Variants in CDC123 observed in about 807,000 individuals in gnomAD.
CDC123 encodes the protein translation initiation factor eIF2 assembly protein.
In CDC123, 37 loss-of-function variants were observed where a neutral mutation model predicts 54.4. The observed-to-expected ratio is 0.68, with a 90% confidence interval of 0.52 to 0.89. CDC123 has a LOEUF of 0.89. Ranked by LOEUF, CDC123 falls within the 40% of genes least tolerant of loss-of-function variation. The probability of loss-of-function intolerance (pLI) is 0.00; values close to 1 mark genes in which losing one functional copy is unlikely to be tolerated. For synonymous variants in CDC123, 144 were observed against 136.8 expected (o/e 1.05, Z -0.37); for missense variants, 361 against 412.1 (o/e 0.88, Z 1.07).
At chr10:12,203,162 G>A (rs1835466012) in intron 2 of CDC123, among the ~76,000 whole-genome samples, 1 of 152,206 alleles carries the variant, frequency 6.6e-6, no homozygotes, top group Non-Finnish European at 1.5e-5. Context: ...TCAGCTATCC[G>A]GAAGCTCTTT....
rs564739353 is a variant in CDC123 at position 12,228,028 on chromosome 10, G to A, written c.441-2920G>A. 1.5e-3 allele frequency among the ~76,000 whole-genome samples: 227 copies of A among 151,956 alleles called. 1 individual carries two copies. The highest frequency in any genetic ancestry group is 5.2e-3 in the African/African-American group (217 of 41,434). ...ATAGCTTACTGCAGCCTCAAACTCCGGAGCTCAAGTGATCTTCCCGCCTCA... is the reference window on the plus strand; with the variant it reads ...ATAGCTTACTGCAGCCTCAAACTCCAGAGCTCAAGTGATCTTCCCGCCTCA... On this transcript the variant is annotated intron_variant, in intron 6 of 12. Coordinates refer to ENST00000281141, the MANE Select transcript of CDC123 (RefSeq NM_006023.3).
chr10:12,208,122 G>GA (rs1835545448), intron 2 of CDC123, among the ~76,000 whole-genome samples: 1 of 152,146 alleles, frequency 6.6e-6, no homozygotes, highest in Non-Finnish European at 1.5e-5. Context: ...AGAGTTTCCA[G>GA]AGGGAACACA....
chr10:12,228,952 C>T (rs1236252337), intron 6 of CDC123, among the ~76,000 whole-genome samples: 1 of 151,952 alleles, frequency 6.6e-6, no homozygotes, highest in Non-Finnish European at 1.5e-5. Flanking sequence ...TGAACTCAAG[C>T]AATCGGCCCG....
intron 6 of CDC123, among the ~76,000 whole-genome samples, chr10:12,224,612 T>C (rs1835780251): frequency 6.6e-6 from 1 of 152,228 alleles, no homozygotes; most frequent in Admixed American, 6.5e-5. Context: ...ATTTGAACTT[T>C]GAATTCAACA....
chr10:12,199,366 C>T (rs994767004), intron 2 of CDC123, among the ~76,000 whole-genome samples: 1 of 152,100 alleles, frequency 6.6e-6, no homozygotes, highest in African/African-American at 2.4e-5. Flanking sequence ...AGTGTTCAGC[C>T]CTCACCAGCC....
At chr10:12,249,510 C>A (rs12258739) in intron 11 of CDC123, 71 bp from the exon 12 acceptor site, 7 of 1,462,922 alleles carry the variant, frequency 4.8e-6, no homozygotes, top group Non-Finnish European at 6.5e-6. Flanking sequence ...TTGCTAGGTT[C>A]TTTTTTAGTT....
chr10:12,236,057 G>C (rs1367250727), intron 8 of CDC123, among the ~76,000 whole-genome samples: 1 of 152,176 alleles, frequency 6.6e-6, no homozygotes, highest in Non-Finnish European at 1.5e-5. Context: ...AGGCCAAGTA[G>C]CATGTATGAA....
At chr10:12,227,381 G>C (rs1253037479) in intron 6 of CDC123, among the ~76,000 whole-genome samples, 1 of 151,960 alleles carries the variant, frequency 6.6e-6, no homozygotes, top group Non-Finnish European at 1.5e-5. Context: ...TTAACCTCTG[G>C]TCTATTGTTC....
chr10:12,197,663 C>G (rs1835381568), intron 1 of CDC123, among the ~76,000 whole-genome samples: 2 of 151,708 alleles, frequency 1.3e-5, no homozygotes, highest in African/African-American at 4.8e-5. Context: ...AGGTGTGAGC[C>G]ACCGCGCCCG....
At chr10:12,234,815 G>A (rs112449930) in intron 7 of CDC123, among the ~76,000 whole-genome samples, 3,503 of 148,816 alleles carry the variant, frequency 0.024, 135 homozygotes, top group African/African-American at 0.083. Flanking sequence ...GTGCAATGGC[G>A]TGATCTTGGC....
chr10:12,249,268 C>T (rs1408144409), intron 11 of CDC123, among the ~76,000 whole-genome samples: 4 of 151,992 alleles, frequency 2.6e-5, no homozygotes, highest in African/African-American at 9.7e-5. Flanking sequence ...GAGATATTTT[C>T]TGTACTAAAA....
At position 12,246,431 on chromosome 10, in the gene CDC123, G is replaced by A. The variant is rs1836138760; in HGVS notation, c.846+154G>A. On this transcript the variant is annotated intron_variant, in intron 11 of 12. Transcript: ENST00000281141. ...ACTAATAGCTAACCTGCCCATGGTG[G>A]TGGTCAAAGAAGGGGGCCCCACTTA... The A allele has an allele frequency of 9.0e-6, 7 of 777,494 alleles. No homozygotes were observed. In the East Asian group the frequency reaches 1.9e-4, roughly 21 times the overall value. 48.2% of individuals were successfully genotyped at this position (777,494 alleles called of 1,614,324 possible). A position where few individuals can be genotyped will look rare whatever the true frequency, so the allele number is the denominator to read the frequency against.
At chr10:12,199,977 A>G (rs1228784731) in intron 2 of CDC123, among the ~76,000 whole-genome samples, 1 of 151,172 alleles carries the variant, frequency 6.6e-6, no homozygotes, top group African/African-American at 2.4e-5. Flanking sequence ...GCCCACCACC[A>G]CGCCTGGCTA....
rs968508731 is a variant in CDC123 at position 12,234,750 on chromosome 10, A to ATT, written c.490-279_490-278dup. Among the ~76,000 whole-genome samples, 104 of 133,922 alleles carry ATT rather than the reference A, an allele frequency of 7.8e-4. 1 individual carries two copies. The highest frequency in any genetic ancestry group is 2.5e-3 in the African/African-American group (91 of 36,154). The allele number at this position is 133,922 out of a possible 152,430, so 87.9% of individuals were successfully genotyped here. Reference sequence around the variant, plus strand: ...CTATTCCCTACATCTCATGTGAAGAATTTTTTTTTTTTTTTTTTTTGAGAT... The same window carrying ATT: ...CTATTCCCTACATCTCATGTGAAGAATTTTTTTTTTTTTTTTTTTTTTGAGAT... On this transcript the variant is annotated intron_variant, in intron 7 of 12. Coordinates refer to ENST00000281141, the MANE Select transcript of CDC123 (RefSeq NM_006023.3).
chr10:12,196,311 C>T lies in CDC123; in HGVS notation c.66C>T (p.Thr22=), dbSNP rs749739963. 5 of 1,612,394 alleles carry T rather than the reference C, an allele frequency of 3.1e-6. No homozygotes were observed. Among genetic ancestry groups the T allele is most frequent in the East Asian group, 2.2e-5 (1 of 44,840 alleles). Reference sequence around the variant, plus strand: ...GGTACCCGTTCTTCCGAGGCGTTACCATCAAGAGGTGAGATGGGAGGGGGT... The same window carrying T: ...GGTACCCGTTCTTCCGAGGCGTTACTATCAAGAGGTGAGATGGGAGGGGGT... The part of the protein sequence containing the change: ...SAWYPFFRGV[T]IKSVILPLPQ... The change falls in exon 1 of 13, where the codon ACC becomes ACT. Residue 22 remains threonine, a synonymous_variant. Transcript: ENST00000281141.
chr10:12,215,855 T>A lies in CDC123; in HGVS notation c.333+20T>A. The A allele has an allele frequency of 6.9e-7, 1 of 1,451,616 alleles. No homozygotes were observed. The highest frequency in any genetic ancestry group is 9.5e-7 in the Non-Finnish European group (1 of 1,050,264). 89.9% of individuals were successfully genotyped at this position (1,451,616 alleles called of 1,614,324 possible). A position where few individuals can be genotyped will look rare whatever the true frequency, so the allele number is the denominator to read the frequency against. ...CCAAGGGTAGGAACACATAAGTAATTCTCTTACTGTTTGAATATTCTTTGT... is the reference window on the plus strand; with the variant it reads ...CCAAGGGTAGGAACACATAAGTAATACTCTTACTGTTTGAATATTCTTTGT... On this transcript the variant is annotated intron_variant, in intron 5 of 12. Coordinates refer to ENST00000281141, the MANE Select transcript of CDC123 (RefSeq NM_006023.3).
chr10:12,239,502 C>T (rs1038662814), intron 10 of CDC123, among the ~76,000 whole-genome samples: 2 of 149,970 alleles, frequency 1.3e-5, no homozygotes, highest in African/African-American at 4.9e-5. Flanking sequence ...CACCTGAGGT[C>T]GGGAGTTCGA....
chr10:12,196,918 A>G (rs1349213628), intron 1 of CDC123, among the ~76,000 whole-genome samples: 1 of 152,158 alleles, frequency 6.6e-6, no homozygotes, highest in Non-Finnish European at 1.5e-5. Flanking sequence ...AATATATACA[A>G]TTTCATCTCT....
chr10:12,215,999 C>T, intron 5 of CDC123, 164 bp downstream of exon 5: 1 of 502,520 alleles, frequency 2.0e-6, no homozygotes, highest in African/African-American at 2.0e-5. Flanking sequence ...CCGGATTTTG[C>T]TATACACTTG....
Sources: gnomAD v4.1 joint callset for allele counts (sites outside exome capture counted in the v4.1 genomes callset) on GRCh38, gnomAD v4.1.1 for gene constraint, MANE v1.5 for transcripts, NCBI Gene and HGNC (gene_info 2026-07-23, HGNC 2026-07-21) for gene names.